Variants in MEF2C observed in about 807,000 individuals in gnomAD.
MEF2C encodes myocyte enhancer factor 2C.
A neutral mutation model predicts 50.5 loss-of-function variants in MEF2C; 6 were observed. The ratio of observed to expected loss-of-function variants is 0.12; its 90% confidence interval spans 0.07 to 0.23. The LOEUF (loss-of-function observed/expected upper bound fraction) is 0.23. MEF2C is among the 10% of genes least tolerant of loss of function. The pLI, the probability that MEF2C is intolerant of heterozygous loss-of-function variation, is 1.00. For missense variants in MEF2C, 276 were observed against 605.0 expected (o/e 0.46, Z 5.70); for synonymous variants, 183 against 228.0 (o/e 0.80, Z 1.78).
intron 10 of MEF2C, among the ~76,000 whole-genome samples, chr5:88,725,856 T>C (rs929958916): frequency 4.6e-5 from 7 of 152,182 alleles, no homozygotes; most frequent in Non-Finnish European, 1.5e-5. Flanking sequence ...AGTTGACGTA[T>C]GGAAATGCTT....
At chr5:88,730,277 A>G in intron 7 of MEF2C, 43 bp from the exon 8 acceptor site, 1 of 1,554,310 alleles carries the variant, frequency 6.4e-7, no homozygotes, top group Non-Finnish European at 8.7e-7. Context: ...GTGTCCGTAA[A>G]TATTTATAAT....
intron 6 of MEF2C, among the ~76,000 whole-genome samples, chr5:88,747,786 GACC>G (rs1190944620): frequency 6.6e-6 from 1 of 151,972 alleles, no homozygotes; most frequent in Non-Finnish European, 1.5e-5. Flanking sequence ...TGGTCTTTGT[GACC>G]ACCCAATTCT....
chr5:88,772,796 T>C (rs1211988532), intron 3 of MEF2C: 3 of 985,316 alleles, frequency 3.0e-6, no homozygotes, highest in Non-Finnish European at 3.6e-6. Context: ...CACTTTGGTT[T>C]TGGTTATTCT....
intron 3 of MEF2C, among the ~76,000 whole-genome samples, chr5:88,778,978 C>G (rs1786312140): frequency 6.6e-6 from 1 of 152,236 alleles, no homozygotes; most frequent in South Asian, 2.1e-4. Flanking sequence ...CGGAGCTCCC[C>G]TGTTTTCTCT....
In MEF2C at chr5:88,728,639, G is replaced by A. The variant is rs1043608782; in HGVS notation, c.965-11C>T. The stretch of plus-strand genomic sequence containing the variant: ...TACTCAGAGAGTACTCTAGATTAAA[G>A]AATAAAACAACAAGGGAAAATATTA... On this transcript the variant is annotated splice_polypyrimidine_tract_variant and intron_variant, in intron 9 of 10. Coordinates refer to ENST00000504921, the MANE Select transcript of MEF2C (RefSeq NM_002397.5). The A allele has an allele frequency of 3.6e-6, 5 of 1,372,172 alleles. No homozygotes were observed. The South Asian group carries it at 9.8e-5, about 27-fold the overall frequency. 85.0% of individuals were successfully genotyped at this position (1,372,172 alleles called of 1,614,324 possible).
At chr5:88,733,138 A>G in intron 6 of MEF2C, 1 of 985,358 alleles carries the variant, frequency 1.0e-6, no homozygotes, top group South Asian at 4.7e-5. Flanking sequence ...CCGGGAGAGA[A>G]GAGGTGATCC....
intron 1 of MEF2C, chr5:88,877,889 T>C (rs987348441): frequency 6.6e-6 from 1 of 152,178 alleles, no homozygotes; most frequent in Non-Finnish European, 1.5e-5. Context: ...TCACTAACTA[T>C]AGGAGATCAT....
rs761418058 is a variant in MEF2C, at chr5:88,808,824, C to T, written c.55-4023G>A. On this transcript the variant is annotated intron_variant, in intron 2 of 10. Coordinates refer to ENST00000504921, the MANE Select transcript of MEF2C (RefSeq NM_002397.5). ...CTCAATAACAAAGATTTCAATTCTG[C>T]GCTTTTATACTTAAATAATGCCTTG... Among the ~76,000 whole-genome samples, 14 of 152,142 alleles carry T rather than the reference C, an allele frequency of 9.2e-5. No individual in the cohort carries two copies. The East Asian group carries it at 9.6e-4, about 10-fold the overall frequency.
chr5:88,733,000 A>C (rs1315451594), intron 6 of MEF2C: 5 of 870,790 alleles, frequency 5.7e-6, no homozygotes, highest in African/African-American at 3.7e-5. Flanking sequence ...ACAAGGCCCC[A>C]GGCTTGAAAA....
intron 3 of MEF2C, among the ~76,000 whole-genome samples, chr5:88,799,897 CACACACACACACACACAGAGAG>C (rs1179537283): frequency 1.1e-5 from 1 of 93,596 alleles, no homozygotes; most frequent in Non-Finnish European, 2.7e-5. Context: ...CACACACACA[CACACACACACACACACAGAGAG>C]AGAGACACAC....
At chr5:88,821,047 T>C (rs1808088523) in intron 2 of MEF2C, among the ~76,000 whole-genome samples, 1 of 151,938 alleles carries the variant, frequency 6.6e-6, no homozygotes, top group Non-Finnish European at 1.5e-5. Flanking sequence ...AGAATAAATA[T>C]ACCCTAAATT....
Position 88,730,201 on chromosome 5 carries a change from C to T in MEF2C, c.834+10G>A. The T allele has an allele frequency of 1.3e-6, 2 of 1,582,182 alleles. No homozygotes were observed. Among genetic ancestry groups the T allele is most frequent in the Non-Finnish European group, 8.6e-7 (1 of 1,162,874 alleles). ...ACATGCCATTTGAGGGAAGCGCTCT[C>T]ACCACTTACCAAAAGCAGGTCGACA... On this transcript the variant is annotated intron_variant, in intron 8 of 10. Coordinates refer to ENST00000504921, the MANE Select transcript of MEF2C (RefSeq NM_002397.5).
Position 88,733,114 on chromosome 5 carries a change from G to A in MEF2C, c.638-1213C>T, listed in dbSNP as rs562291551. Reference sequence around the variant, plus strand: ...GTGCCTGCAGAGTAATCCAGATTAAGTGTTATTGAGTTCCCGGGAGAGAAG... The same window carrying A: ...GTGCCTGCAGAGTAATCCAGATTAAATGTTATTGAGTTCCCGGGAGAGAAG... On this transcript the variant is annotated intron_variant, in intron 6 of 10. Coordinates refer to ENST00000504921, the MANE Select transcript of MEF2C (RefSeq NM_002397.5). 5.1e-6 allele frequency: 5 copies of A among 985,330 alleles called. No individual in the cohort carries two copies. The African/African-American group carries it at 8.7e-5, about 17-fold the overall frequency. 61.0% of individuals were successfully genotyped at this position (985,330 alleles called of 1,614,324 possible).
rs117053264 is a variant in MEF2C at position 88,786,922 on chromosome 5, A to G, written c.258+17676T>C. On this transcript the variant is annotated intron_variant, in intron 3 of 10. Coordinates refer to ENST00000504921, the MANE Select transcript of MEF2C (RefSeq NM_002397.5). Reference sequence around the variant, plus strand: ...TCTGTTAGCCCACTGTACTTTGTCTATATCTTATTATGGTTCAGATAATTG... The same window carrying G: ...TCTGTTAGCCCACTGTACTTTGTCTGTATCTTATTATGGTTCAGATAATTG... Among the ~76,000 whole-genome samples the G allele has an allele frequency of 2.8e-4, 42 of 152,328 alleles. No individual in the cohort carries two copies. The East Asian group carries it at 7.0e-3, about 25-fold the overall frequency.
chr5:88,722,600 C>A lies in MEF2C; in HGVS notation c.*4G>T. 2 of 1,606,270 alleles carry A rather than the reference C, an allele frequency of 1.2e-6. No individual in the cohort carries two copies. The highest frequency in any genetic ancestry group is 8.5e-7 in the Non-Finnish European group (1 of 1,175,668). On this transcript the variant is annotated 3_prime_UTR_variant, in exon 11 of 11. Coordinates refer to ENST00000504921, the MANE Select transcript of MEF2C (RefSeq NM_002397.5). Reference sequence around the variant, plus strand: ...AAAAAAAAAACTAGTAAGTAATAATCTGATCATGTTGCCCATCCTTCAGAA... The same window carrying A: ...AAAAAAAAAACTAGTAAGTAATAATATGATCATGTTGCCCATCCTTCAGAA...
At chr5:88,775,104 A>G (rs1375428294) in intron 3 of MEF2C, among the ~76,000 whole-genome samples, 1 of 152,192 alleles carries the variant, frequency 6.6e-6, no homozygotes, top group African/African-American at 2.4e-5. Context: ...TGCTTACCTA[A>G]CAATATAATT....
At chr5:88,797,454 CCTTTTTTTTTTTTTT>C (rs1796493069) in intron 3 of MEF2C, among the ~76,000 whole-genome samples, 2 of 25,242 alleles carry the variant, frequency 7.9e-5, no homozygotes, top group South Asian at 2.3e-3. Context: ...GCAACCCTTG[CCTTTTTTTTTTTTTT>C]TTTTTTTTTT....
intron 1 of MEF2C, among the ~76,000 whole-genome samples, chr5:88,835,965 T>A (rs1334012146): frequency 6.6e-6 from 1 of 152,154 alleles, no homozygotes; most frequent in Non-Finnish European, 1.5e-5. Flanking sequence ...TTCCTATGCC[T>A]TAAGGAATTA....
At chr5:88,738,629 C>CT in intron 6 of MEF2C, 2 of 985,296 alleles carry the variant, frequency 2.0e-6, no homozygotes, top group Non-Finnish European at 2.4e-6. Flanking sequence ...CAGTCATGCT[C>CT]TGAGATAGTG....
Sources: allele counts gnomAD v4.1 joint callset (sites outside exome capture counted in the v4.1 genomes callset), GRCh38; gene constraint gnomAD v4.1.1; transcripts MANE v1.5; gene names NCBI Gene and HGNC (gene_info 2026-07-23, HGNC 2026-07-21).